The following PCDHGA6 variants were observed in gnomAD, a reference collection of about 807,000 sequenced individuals.
PCDHGA6 encodes the protein protocadherin gamma subfamily A, 6.
In PCDHGA6, 41 loss-of-function variants were observed where a neutral mutation model predicts 60.6. That is an observed-to-expected ratio of 0.68 (90% confidence interval 0.53 to 0.88). PCDHGA6 has a LOEUF of 0.88. Ranked by LOEUF, PCDHGA6 falls within the 40% of genes least tolerant of loss-of-function variation. PCDHGA6 has a pLI of 0.00. For missense variants in PCDHGA6, 1,312 were observed against 1,203.0 expected (o/e 1.09, Z -1.34); for synonymous variants, 594 against 524.4 (o/e 1.13, Z -1.81).
chr5:141,403,580 C>G, intron 1 of PCDHGA6: 1 of 1,613,942 alleles, frequency 6.2e-7, no homozygotes, highest in Non-Finnish European at 8.5e-7. Flanking sequence ...TGCCCACCAC[C>G]TGGTCCTCAC....
rs541159563 is a variant in PCDHGA6, at chr5:141,383,854, G to A, written c.2424+7347G>A. 2.3e-5 allele frequency: 37 copies of A among 1,613,942 alleles called. No homozygotes were observed. The South Asian group carries it at 3.4e-4, about 15-fold the overall frequency. Reference sequence around the variant, plus strand: ...AGAAACTGCCTTCTATGAAATGGAGGTTCAGGCTCAAGATGGTCCTGGTAG... The same window carrying A: ...AGAAACTGCCTTCTATGAAATGGAGATTCAGGCTCAAGATGGTCCTGGTAG... On this transcript the variant is annotated intron_variant, in intron 1 of 3. Transcript: ENST00000517434.
At chr5:141,418,828 C>G in intron 1 of PCDHGA6, 1 of 1,613,978 alleles carries the variant, frequency 6.2e-7, no homozygotes, top group Non-Finnish European at 8.5e-7. Flanking sequence ...AAGCAAAAGA[C>G]CGAGGATCTC....
At chr5:141,393,494 C>T (rs750216965) in intron 1 of PCDHGA6, 16 of 1,613,946 alleles carry the variant, frequency 9.9e-6, no homozygotes, top group Non-Finnish European at 1.3e-5. Flanking sequence ...GCACAGTGCG[C>T]ATCCACGTGA....
intron 1 of PCDHGA6, among the ~76,000 whole-genome samples, chr5:141,451,630 C>T (rs899343801): frequency 2.0e-5 from 3 of 152,132 alleles, no homozygotes; most frequent in Non-Finnish European, 2.9e-5. Flanking sequence ...ACCTGTAATT[C>T]CAGCACTCTG....
chr5:141,468,790 C>T (rs1215557602), intron 1 of PCDHGA6, among the ~76,000 whole-genome samples: 10 of 151,564 alleles, frequency 6.6e-5, no homozygotes, highest in African/African-American at 2.2e-4. Context: ...GGCGTGAACC[C>T]GGGAGGCGGA....
chr5:141,432,035 G>C lies in PCDHGA6; in HGVS notation c.2424+55528G>C. 6 of 1,614,218 alleles carry C rather than the reference G, an allele frequency of 3.7e-6. No homozygotes were observed. Among genetic ancestry groups the C allele is most frequent in the Non-Finnish European group, 5.1e-6 (6 of 1,180,046 alleles). ...CTACAACATCACAGTGACCGCCACT[G>C]ACCGGGGAACCCCGCCCCTATCCAC... On this transcript the variant is annotated intron_variant, in intron 1 of 3. Coordinates refer to ENST00000517434, the MANE Select transcript of PCDHGA6 (RefSeq NM_018919.3). The surrounding 1 kb of genome is among the most constrained non-coding windows in gnomAD (Gnocchi z 6.0).
chr5:141,460,951 G>GTA (rs200454978), intron 1 of PCDHGA6, among the ~76,000 whole-genome samples: 2,366 of 139,742 alleles, frequency 0.017, 20 homozygotes, highest in Middle Eastern at 0.037. Flanking sequence ...TATGTATTAT[G>GTA]TATATATATA....
At chr5:141,458,662 C>A (rs948275548) in intron 1 of PCDHGA6, among the ~76,000 whole-genome samples, 2 of 152,064 alleles carry the variant, frequency 1.3e-5, no homozygotes, top group Non-Finnish European at 2.9e-5. Flanking sequence ...CTCCACCTCT[C>A]GGGTTCAAGC....
At chr5:141,403,276 C>G in intron 1 of PCDHGA6, 7 of 1,613,844 alleles carry the variant, frequency 4.3e-6, no homozygotes, top group Non-Finnish European at 5.1e-6. Context: ...ACTTTAAAGT[C>G]CTGGTTGAAG....
At chr5:141,403,281 T>A in intron 1 of PCDHGA6, 1 of 1,613,908 alleles carries the variant, frequency 6.2e-7, no homozygotes, top group Non-Finnish European at 8.5e-7. Context: ...AAAGTCCTGG[T>A]TGAAGACAGA....
chr5:141,435,952 G>A lies in PCDHGA6; in HGVS notation c.2425-58855G>A, dbSNP rs944960593. ...TTGCTGCTTCTGAGACCAAAAAAGG[G>A]GGCAAAATATAGAGTGTGTGGTTCT... is the stretch of plus-strand genomic sequence containing the variant. On this transcript the variant is annotated intron_variant, in intron 1 of 3. Transcript: ENST00000517434. Among the ~76,000 whole-genome samples the A allele has an allele frequency of 2.6e-5, 4 of 152,098 alleles. No individual in the cohort carries two copies. The South Asian group carries it at 8.3e-4, about 32-fold the overall frequency.
At chr5:141,500,182 A>ATTT (rs1199992745) in intron 2 of PCDHGA6, among the ~76,000 whole-genome samples, 1 of 131,622 alleles carries the variant, frequency 7.6e-6, no homozygotes, top group African/African-American at 3.1e-5. Context: ...CTTCATTTTT[A>ATTT]TTTTTATTTA....
At position 141,404,149 on chromosome 5, in the gene PCDHGA6, A is replaced by G. The variant is rs758060942; in HGVS notation, c.2424+27642A>G. The G allele has an allele frequency of 3.1e-6, 5 of 1,612,750 alleles. No individual in the cohort carries two copies. In the African/African-American group the frequency reaches 5.3e-5, roughly 17 times the overall value. On this transcript the variant is annotated intron_variant, in intron 1 of 3. Transcript: ENST00000517434. Reference sequence around the variant, plus strand: ...CTTTTACATTAGAAAATTCAGAAGAAGATTATTACAGATTGTTGACGGCCC... The same window carrying G: ...CTTTTACATTAGAAAATTCAGAAGAGGATTATTACAGATTGTTGACGGCCC...
At position 141,460,912 on chromosome 5, in the gene PCDHGA6, G is replaced by GTA. The variant is rs34683754; in HGVS notation, c.2425-33883_2425-33882dup. ...TCGTGGCTGAGTAATATTCCATGGT[G>GTA]TATATATATATATGTGTGTGTGTAT... On this transcript the variant is annotated intron_variant, in intron 1 of 3. Coordinates refer to ENST00000517434, the MANE Select transcript of PCDHGA6 (RefSeq NM_018919.3). Among the ~76,000 whole-genome samples, 731 of 149,318 alleles carry GTA rather than the reference G, an allele frequency of 4.9e-3. 9 individuals carry two copies. Among genetic ancestry groups the GTA allele is most frequent in the African/African-American group, 0.016 (631 of 40,624 alleles).
intron 1 of PCDHGA6, among the ~76,000 whole-genome samples, chr5:141,446,338 G>T (rs964323259): frequency 6.6e-6 from 1 of 152,128 alleles, no homozygotes; most frequent in African/African-American, 2.4e-5. Flanking sequence ...GGAACTGGAT[G>T]GACAAAGCTA....
At chr5:141,451,004 T>A (rs2098704048) in intron 1 of PCDHGA6, among the ~76,000 whole-genome samples, 1 of 151,474 alleles carries the variant, frequency 6.6e-6, no homozygotes, top group South Asian at 2.1e-4. Flanking sequence ...TTTTTGTATT[T>A]TTTTTAGTAG....
intron 1 of PCDHGA6, among the ~76,000 whole-genome samples, chr5:141,437,929 G>A (rs1479763331): frequency 6.6e-6 from 1 of 151,960 alleles, no homozygotes; most frequent in East Asian, 1.9e-4. Context: ...GTAGAGATGG[G>A]GTTTCACCAT....
In PCDHGA6 at chr5:141,410,321, G is replaced by A. The variant is rs749017304; in HGVS notation, c.2424+33814G>A. ...AATCTCAGTGCTCTTCCTCCTCGCC[G>A]TGATTCTGGCCATTGCCTTGCGCCT... On this transcript the variant is annotated intron_variant, in intron 1 of 3. Transcript: ENST00000517434. The A allele has an allele frequency of 3.7e-6, 6 of 1,613,842 alleles. No homozygotes were observed. The East Asian group carries it at 1.1e-4, about 30-fold the overall frequency.
chr5:141,448,795 A>T (rs577803435), intron 1 of PCDHGA6, among the ~76,000 whole-genome samples: 1 of 152,086 alleles, frequency 6.6e-6, no homozygotes, highest in African/African-American at 2.4e-5. Context: ...AAAAAAAAAA[A>T]TTAGCCAGGC....
Sources: allele counts gnomAD v4.1 joint callset (sites outside exome capture counted in the v4.1 genomes callset), GRCh38; gene constraint gnomAD v4.1.1; non-coding constraint Gnocchi (gnomAD v3.1); transcripts MANE v1.5; gene names NCBI Gene and HGNC (gene_info 2026-07-23, HGNC 2026-07-21).